The following DLG2 variants were observed in gnomAD, a reference collection of about 807,000 sequenced individuals.
DLG2 encodes the protein disks large homolog 2.
In DLG2, 45 loss-of-function variants were observed where a neutral mutation model predicts 132.5. The ratio of observed to expected loss-of-function variants is 0.34; its 90% confidence interval spans 0.27 to 0.44. The LOEUF is 0.44. Among genes scored for constraint, DLG2 ranks in the 20% least tolerant of loss-of-function variants. The pLI, the probability that DLG2 is intolerant of heterozygous loss-of-function variation, is 1.00. For missense variants in DLG2, 1,045 were observed against 1,196.9 expected (o/e 0.87, Z 1.87); for synonymous variants, 424 against 419.6 (o/e 1.01, Z -0.13).
chr11:83,611,129 G>A (rs1276279621), intron 19 of DLG2, among the ~76,000 whole-genome samples: 1 of 152,186 alleles, frequency 6.6e-6, no homozygotes, highest in African/African-American at 2.4e-5. Flanking sequence ...TCTAATCTAT[G>A]TTGCAGGCTG....
intron 20 of DLG2, among the ~76,000 whole-genome samples, chr11:83,533,619 G>A (rs935559196): frequency 6.6e-6 from 1 of 152,104 alleles, no homozygotes; most frequent in Admixed American, 6.6e-5. Context: ...TGTCAGTAGG[G>A]AAATTTCAGG....
Position 84,270,562 on chromosome 11 carries a change from T to C in DLG2, c.520-19271A>G, listed in dbSNP as rs542235928. ...CCCTGGGGGCAGATTATATCATGAC[T>C]TGAGATTTTATGTCAGGTTTATTGT... On this transcript the variant is annotated intron_variant, in intron 7 of 27. Transcript: ENST00000376104. Among the ~76,000 whole-genome samples, 5 of 152,344 alleles carry C rather than the reference T, an allele frequency of 3.3e-5. No homozygotes were observed. In the East Asian group the frequency reaches 9.6e-4, roughly 29 times the overall value.
At chr11:84,101,452 G>A (rs60861772) in intron 9 of DLG2, among the ~76,000 whole-genome samples, 1,646 of 152,174 alleles carry the variant, frequency 0.011, 30 homozygotes, top group African/African-American at 0.037. Context: ...TGAGCATTTC[G>A]TATGCAACTG....
intron 21 of DLG2, among the ~76,000 whole-genome samples, chr11:83,497,412 G>C (rs781477887): frequency 2.0e-4 from 30 of 152,142 alleles, no homozygotes; most frequent in Non-Finnish European, 3.8e-4. Flanking sequence ...GCATGTGCCT[G>C]TAGTCCCATC....
At chr11:84,213,917 C>T (rs1290051213) in intron 8 of DLG2, among the ~76,000 whole-genome samples, 5 of 150,418 alleles carry the variant, frequency 3.3e-5, no homozygotes, top group African/African-American at 1.2e-4. Context: ...TTTGTTATTG[C>T]ACTAGCTTGA....
In DLG2 at chr11:84,846,024, C is replaced by T. The variant is rs571730615; in HGVS notation, c.357+265637G>A. On this transcript the variant is annotated intron_variant, in intron 6 of 27. Transcript: ENST00000376104. ...CCTCAAGGTCTTCTCGTCTTCTTTG[C>T]TGTCTTTTTTTCCTCTTCCTGACCT... Among the ~76,000 whole-genome samples the T allele has an allele frequency of 7.9e-5, 12 of 152,082 alleles. No homozygotes were observed. In the South Asian group the frequency reaches 2.3e-3, roughly 29 times the overall value.
At chr11:85,519,691 G>A (rs1415852086) in intron 3 of DLG2, among the ~76,000 whole-genome samples, 2 of 152,150 alleles carry the variant, frequency 1.3e-5, no homozygotes, top group African/African-American at 4.8e-5. Context: ...ATAAGATTTG[G>A]GAGGGGTCAG....
intron 8 of DLG2, among the ~76,000 whole-genome samples, chr11:84,219,491 A>T (rs1319505395): frequency 6.6e-6 from 1 of 152,206 alleles, no homozygotes; most frequent in Admixed American, 6.5e-5. Flanking sequence ...TTAAATTTAG[A>T]TTATTTTTTA....
At chr11:85,287,854 G>A (rs138618685) in intron 3 of DLG2, among the ~76,000 whole-genome samples, 11 of 152,138 alleles carry the variant, frequency 7.2e-5, no homozygotes, top group Non-Finnish European at 1.5e-4. Context: ...GAAAAATAAC[G>A]TTGGGTGAAT....
chr11:84,857,488 GA>G (rs2082951106), intron 6 of DLG2, among the ~76,000 whole-genome samples: 1 of 151,850 alleles, frequency 6.6e-6, no homozygotes, highest in African/African-American at 2.4e-5. Context: ...TCAGTCTATG[GA>G]AAAGAGAAGG....
At chr11:83,732,155 G>T (rs750174547) in intron 18 of DLG2, among the ~76,000 whole-genome samples, 10 of 152,124 alleles carry the variant, frequency 6.6e-5, no homozygotes, top group Non-Finnish European at 1.2e-4. Flanking sequence ...TAAAGAGAAA[G>T]CCATTTTGTG....
At position 84,893,172 on chromosome 11, in the gene DLG2, C is replaced by T. The variant is rs182192130; in HGVS notation, c.357+218489G>A. On this transcript the variant is annotated intron_variant, in intron 6 of 27. Coordinates refer to ENST00000376104, the MANE Select transcript of DLG2 (RefSeq NM_001142699.3). ...TCACATACTTTAGAAGGTCTCACTC[C>T]GATCTTTCTCTGATAAGAACTCCTC... is the stretch of plus-strand genomic sequence containing the variant. 4.7e-4 allele frequency among the ~76,000 whole-genome samples: 71 copies of T among 152,202 alleles called. No individual in the cohort carries two copies. In the Middle Eastern group the frequency reaches 0.01, roughly 22 times the overall value.
chr11:85,069,780 T>C (rs2065518316), intron 6 of DLG2, among the ~76,000 whole-genome samples: 1 of 152,166 alleles, frequency 6.6e-6, no homozygotes. Context: ...AAATACCATT[T>C]GACCCAGCCA....
chr11:83,559,774 T>C (rs1228218869), intron 19 of DLG2, among the ~76,000 whole-genome samples: 1 of 152,218 alleles, frequency 6.6e-6, no homozygotes, highest in East Asian at 1.9e-4. Flanking sequence ...TCTTCCAAGC[T>C]GTTTGCTTTT....
intron 3 of DLG2, among the ~76,000 whole-genome samples, chr11:85,405,953 T>G (rs2088687609): frequency 6.6e-6 from 1 of 151,948 alleles, no homozygotes; most frequent in South Asian, 2.1e-4. Context: ...CTGATCTAAA[T>G]AATCCAAAAG....
At chr11:83,585,637 G>T (rs1000935220) in intron 19 of DLG2, among the ~76,000 whole-genome samples, 1 of 152,128 alleles carries the variant, frequency 6.6e-6, no homozygotes, top group African/African-American at 2.4e-5. Flanking sequence ...AACAACATTT[G>T]GATATTTTTC....
chr11:85,029,823 AG>A, intron 6 of DLG2, among the ~76,000 whole-genome samples: 1 of 152,156 alleles, frequency 6.6e-6, no homozygotes, highest in Admixed American at 6.5e-5. Context: ...CTCCTGCCTC[AG>A]CCTCCCATGT....
Position 85,305,946 on chromosome 11 carries a change from A to G in DLG2, c.41-20581T>C, listed in dbSNP as rs547471792. On this transcript the variant is annotated intron_variant, in intron 3 of 27. Coordinates refer to ENST00000376104, the MANE Select transcript of DLG2 (RefSeq NM_001142699.3). Reference sequence around the variant, plus strand: ...TTATTTTCATATGTTCCCGGATCACAAGTAGGCAATGTAGAGAGGAAAGAA... The same window carrying G: ...TTATTTTCATATGTTCCCGGATCACGAGTAGGCAATGTAGAGAGGAAAGAA... 9.2e-5 allele frequency among the ~76,000 whole-genome samples: 14 copies of G among 152,308 alleles called. 1 individual carries two copies. In the South Asian group the frequency reaches 2.9e-3, roughly 32 times the overall value.
chr11:85,435,504 C>T (rs945497079), intron 3 of DLG2, among the ~76,000 whole-genome samples: 1 of 152,044 alleles, frequency 6.6e-6, no homozygotes, highest in African/African-American at 2.4e-5. Context: ...CACAAGCATT[C>T]TTACACAACA....
Sources: gnomAD v4.1 joint callset for allele counts (sites outside exome capture counted in the v4.1 genomes callset) on GRCh38, gnomAD v4.1.1 for gene constraint, MANE v1.5 for transcripts, NCBI Gene and HGNC (gene_info 2026-07-23, HGNC 2026-07-21) for gene names.